The following SCN11A variants were observed in gnomAD, a reference collection of about 807,000 sequenced individuals.
SCN11A encodes the protein sodium channel protein type 11 subunit alpha.
A neutral mutation model predicts 162.2 loss-of-function variants in SCN11A; 122 were observed. That is an observed-to-expected ratio of 0.75 (90% confidence interval 0.65 to 0.87). SCN11A has a LOEUF of 0.87. SCN11A is among the 40% of genes least tolerant of loss of function. The pLI, the probability that SCN11A is intolerant of heterozygous loss-of-function variation, is 0.00. For missense variants in SCN11A, 2,015 were observed against 2,181.6 expected, an observed-to-expected ratio of 0.92 and a Z score of 1.52; for synonymous variants, 758 against 751.5, an observed-to-expected ratio of 1.01 and a Z score of -0.14.
chr3:38,858,714 T>A (rs1489541459), intron 28 of SCN11A, among the ~76,000 whole-genome samples: 1 of 152,156 alleles, frequency 6.6e-6, no homozygotes, highest in Non-Finnish European at 1.5e-5. Flanking sequence ...ATATACATTC[T>A]ATTCATCAGC....
intron 23 of SCN11A, among the ~76,000 whole-genome samples, chr3:38,873,584 C>G (rs1033710608): frequency 2.0e-5 from 3 of 152,126 alleles, no homozygotes; most frequent in African/African-American, 7.2e-5. Flanking sequence ...CAGATGAAAA[C>G]AGATGGCAAA....
Position 38,967,196 on chromosome 3 carries a change from G to A in SCN11A, c.-279-6773C>T, listed in dbSNP as rs1472238193. 2.0e-5 allele frequency among the ~76,000 whole-genome samples: 3 copies of A among 152,166 alleles called. 1 individual carries two copies. The highest frequency in any genetic ancestry group is 4.1e-4 in the South Asian group (2 of 4,824). The stretch of plus-strand genomic sequence containing the variant: ...AGCCTCCAAGGCAGCCCAATGATCC[G>A]TATCTCCTGATTTTCACTTTCTTGT... On this transcript the variant is annotated intron_variant, in intron 2 of 29. Coordinates refer to ENST00000302328, the MANE Select transcript of SCN11A (RefSeq NM_001349253.2).
chr3:38,944,333 ATT>A (rs567661284), intron 7 of SCN11A, among the ~76,000 whole-genome samples: 1 of 143,034 alleles, frequency 7.0e-6, no homozygotes, highest in Admixed American at 7.0e-5. Flanking sequence ...TAGAAAATCC[ATT>A]TTTTTTTTTT....
intron 3 of SCN11A, among the ~76,000 whole-genome samples, chr3:38,955,055 A>C (rs1402909127): frequency 2.0e-5 from 3 of 152,156 alleles, no homozygotes; most frequent in Non-Finnish European, 4.4e-5. Context: ...CTGGGAGGCC[A>C]AGGCAGACAG....
chr3:38,938,952 G>A (rs1046075027), intron 7 of SCN11A, among the ~76,000 whole-genome samples: 6 of 152,108 alleles, frequency 3.9e-5, no homozygotes, highest in African/African-American at 1.4e-4. Flanking sequence ...TTAGGCAGGC[G>A]GATCACTTGA....
chr3:39,035,310 C>T (rs924641830), intron 1 of SCN11A, among the ~76,000 whole-genome samples: 1 of 152,182 alleles, frequency 6.6e-6, no homozygotes, highest in African/African-American at 2.4e-5. Flanking sequence ...ACAATGAACT[C>T]ACTTTTGATA....
chr3:38,974,422 G>A (rs543275216), intron 2 of SCN11A, among the ~76,000 whole-genome samples: 24 of 152,250 alleles, frequency 1.6e-4, no homozygotes, highest in Admixed American at 1.2e-3. Context: ...AAGGCCGGGC[G>A]CAGTGGCTCA....
chr3:39,046,194 A>G (rs2032176903), intron 1 of SCN11A, among the ~76,000 whole-genome samples: 1 of 151,356 alleles, frequency 6.6e-6, no homozygotes, highest in Non-Finnish European at 1.5e-5. Flanking sequence ...TGGGAGGTGG[A>G]GGTTGCAGTG....
chr3:38,921,361 C>T (rs781666199), intron 9 of SCN11A, 106 bp from the exon 10 acceptor site: 2 of 1,026,518 alleles, frequency 1.9e-6, no homozygotes, highest in Non-Finnish European at 2.9e-6. Flanking sequence ...AAATTGCAGG[C>T]TGGAACTGGA....
rs2065848222 is a variant in SCN11A at position 38,909,134 on chromosome 3, A to G, written c.1162T>C (p.Ser388Pro). Residue 388 changes from serine (S) to proline (P), a missense_variant, in exon 13 of 30, where the codon TCC becomes CCC. Transcript: ENST00000302328. ...FFFIVVIFLG[S>P]FYLINLTLAV... is the part of the protein sequence containing the mutation. ...AGGGTTAAGTTAATCAGGTAGAAGG[A>G]GCCCAGGAAAATGACCACAATGAAG... is the stretch of plus-strand genomic sequence containing the variant. 1.2e-6 allele frequency: 2 copies of G among 1,614,032 alleles called. No homozygotes were observed. Among genetic ancestry groups the G allele is most frequent in the Non-Finnish European group, 8.5e-7 (1 of 1,180,014 alleles).
chr3:38,900,534 C>G (rs1456336257), intron 16 of SCN11A, among the ~76,000 whole-genome samples: 1 of 151,578 alleles, frequency 6.6e-6, no homozygotes, highest in Admixed American at 6.6e-5. Context: ...AGGAGTTCAC[C>G]TGACCACCTA....
At position 38,930,857 on chromosome 3, in the gene SCN11A, C is replaced by T. The variant is rs536476678; in HGVS notation, c.489-3926G>A. Among the ~76,000 whole-genome samples, 179 of 152,326 alleles carry T rather than the reference C, an allele frequency of 1.2e-3. 1 individual carries two copies. The highest frequency in any genetic ancestry group is 3.5e-3 in the African/African-American group (144 of 41,578). On this transcript the variant is annotated intron_variant, in intron 7 of 29. Coordinates refer to ENST00000302328, the MANE Select transcript of SCN11A (RefSeq NM_001349253.2). ...CAGGGGAGAGCAACAGCTTTCCCCA[C>T]ACTTGACTCCTGCCTCTCTGCTTAA... is the stretch of plus-strand genomic sequence containing the variant.
intron 5 of SCN11A, 94 bp from the exon 6 acceptor site, chr3:38,947,001 G>A (rs971823663): frequency 1.9e-5 from 14 of 740,786 alleles, no homozygotes; most frequent in Non-Finnish European, 3.2e-5. Flanking sequence ...AATTCATTTA[G>A]AGAAAATTAT....
chr3:38,996,016 C>T (rs1028601441), intron 2 of SCN11A, among the ~76,000 whole-genome samples: 12 of 152,120 alleles, frequency 7.9e-5, no homozygotes, highest in South Asian at 2.1e-4. Flanking sequence ...AGCATGAGCG[C>T]GCGCTCTCTC....
intron 23 of SCN11A, among the ~76,000 whole-genome samples, chr3:38,875,451 G>A (rs1253426993): frequency 1.3e-5 from 2 of 151,922 alleles, no homozygotes; most frequent in African/African-American, 2.4e-5. Context: ...TGTATACATA[G>A]AAAATCCTAG....
At chr3:38,908,450 C>A (rs1226925837) in intron 13 of SCN11A, among the ~76,000 whole-genome samples, 1 of 152,132 alleles carries the variant, frequency 6.6e-6, no homozygotes, top group Non-Finnish European at 1.5e-5. Context: ...CGATGGGCAT[C>A]CTTCTGACAA....
chr3:38,922,280 G>A (rs1410447279), intron 9 of SCN11A, among the ~76,000 whole-genome samples: 1 of 152,226 alleles, frequency 6.6e-6, no homozygotes, highest in Non-Finnish European at 1.5e-5. Context: ...GAACCTGGAG[G>A]CCAAGCTGGG....
intron 2 of SCN11A, among the ~76,000 whole-genome samples, chr3:38,974,088 G>T (rs574244264): frequency 2.6e-5 from 4 of 152,216 alleles, no homozygotes; most frequent in South Asian, 2.1e-4. Context: ...CAACACAAAG[G>T]CTTAGGAACT....
chr3:39,004,418 C>G (rs994950269), intron 2 of SCN11A, among the ~76,000 whole-genome samples: 1 of 152,200 alleles, frequency 6.6e-6, no homozygotes, highest in African/African-American at 2.4e-5. Flanking sequence ...ATTTTGGTTA[C>G]TGTAGCCCTG....
Sources: allele counts gnomAD v4.1 joint callset (sites outside exome capture counted in the v4.1 genomes callset), GRCh38; gene constraint gnomAD v4.1.1; transcripts MANE v1.5; gene names NCBI Gene and HGNC (gene_info 2026-07-23, HGNC 2026-07-21).